The following KIAA1217 variants were observed in gnomAD, a reference collection of about 807,000 sequenced individuals.
KIAA1217 encodes KIAA1217.
KIAA1217 carries 88 observed loss-of-function variants against 163.9 expected under a neutral mutation model. That is an observed-to-expected ratio of 0.54 (90% CI 0.45 to 0.64). The LOEUF (loss-of-function observed/expected upper bound fraction) is 0.64, where lower values mean the gene tolerates loss of function less well. Ranked by LOEUF, KIAA1217 falls within the 30% of genes least tolerant of loss-of-function variation. The pLI, the probability that KIAA1217 is intolerant of heterozygous loss-of-function variation, is 0.00. For synonymous variants in KIAA1217, 903 were observed against 923.1 expected (o/e 0.98, Z 0.39); for missense variants, 2,372 against 2,475.0 (o/e 0.96, Z 0.88).
In KIAA1217 at chr10:24,112,932, G is replaced by C. The variant is rs567414675; in HGVS notation, c.-171+105558G>C. ...AGAAGGGCCACACAGAGACACAGGA[G>C]AATGCCATGTGAAAATAGAGGAGGC... On this transcript the variant is annotated intron_variant, in intron 2 of 18. Transcript: ENST00000376462. Among the ~76,000 whole-genome samples, 3 of 152,180 alleles carry C rather than the reference G, an allele frequency of 2.0e-5. No individual in the cohort carries two copies. The South Asian group carries it at 6.2e-4, about 32-fold the overall frequency.
chr10:24,124,390 G>A (rs1181812034), intron 2 of KIAA1217, among the ~76,000 whole-genome samples: 1 of 151,824 alleles, frequency 6.6e-6, no homozygotes, highest in Admixed American at 6.6e-5. Context: ...GCAAATAATG[G>A]CAGTTCTGCT....
At chr10:24,008,866 T>C (rs2131483930) in intron 2 of KIAA1217, among the ~76,000 whole-genome samples, 1 of 152,278 alleles carries the variant, frequency 6.6e-6, no homozygotes, top group Admixed American at 6.5e-5. Context: ...ATTTGAATCT[T>C]TAAAGAGCTA....
chr10:23,758,626 T>TTCTCTCTCTCTCTC (rs573288653), intron 1 of KIAA1217, among the ~76,000 whole-genome samples: 35 of 116,958 alleles, frequency 3.0e-4, no homozygotes, highest in African/African-American at 1.1e-3. Context: ...CTTTCTTACT[T>TTCTCTCTCTCTCTC]TCTCTCTCTC....
At chr10:24,058,698 G>A (rs1433166152) in intron 2 of KIAA1217, among the ~76,000 whole-genome samples, 1 of 152,032 alleles carries the variant, frequency 6.6e-6, no homozygotes, top group Admixed American at 6.6e-5. Flanking sequence ...GTTTGTTAGT[G>A]TATAGAAACA....
At chr10:23,696,838 C>T (rs918713541) in intron 1 of KIAA1217, among the ~76,000 whole-genome samples, 3 of 152,142 alleles carry the variant, frequency 2.0e-5, no homozygotes, top group African/African-American at 7.2e-5. Context: ...CACCACTGCA[C>T]CTGCACATAG....
chr10:24,259,143 G>T (rs1183916758), intron 2 of KIAA1217, among the ~76,000 whole-genome samples: 2 of 152,040 alleles, frequency 1.3e-5, no homozygotes, highest in African/African-American at 4.8e-5. Context: ...TGGTATGTTA[G>T]AAAAACTAGA....
In KIAA1217 at chr10:23,874,197, G is replaced by A. The variant is rs147229323; in HGVS notation, c.-320-133028G>A. The stretch of plus-strand genomic sequence containing the variant: ...CTCCAGCCCACAGCTCCTACTAATC[G>A]GCTGTGAGTCATCACAGATTTGTCT... On this transcript the variant is annotated intron_variant, in intron 1 of 18. Coordinates refer to the KIAA1217 transcript ENST00000376462. Among the ~76,000 whole-genome samples the A allele has an allele frequency of 4.5e-4, 69 of 152,042 alleles. No homozygotes were observed. The East Asian group carries it at 9.1e-3, about 20-fold the overall frequency.
chr10:23,980,204 C>T (rs889906774), intron 1 of KIAA1217, among the ~76,000 whole-genome samples: 6 of 152,060 alleles, frequency 3.9e-5, no homozygotes, highest in African/African-American at 7.2e-5. Context: ...CTGTCTGTCC[C>T]GAGAATGGGA....
chr10:24,193,845 CAA>C lies in KIAA1217; in HGVS notation c.-170-25779_-170-25778del, dbSNP rs1491231513. On this transcript the variant is annotated intron_variant, in intron 2 of 18. Coordinates refer to the KIAA1217 transcript ENST00000376462. ...ACACACACACACACACACACACACA[CAA>C]AGCAGTCACGTGCATGTTCATGTAC... 2.2e-4 allele frequency among the ~76,000 whole-genome samples: 29 copies of C among 129,228 alleles called. 1 individual carries two copies. The highest frequency in any genetic ancestry group is 7.3e-4 in the African/African-American group (25 of 34,212). 84.8% of individuals were successfully genotyped at this position (129,228 alleles called of 152,430 possible).
chr10:23,880,713 C>T (rs1013786049), intron 1 of KIAA1217, among the ~76,000 whole-genome samples: 2 of 151,704 alleles, frequency 1.3e-5, no homozygotes, highest in Non-Finnish European at 2.9e-5. Context: ...CTCTTTTAAT[C>T]CATAAATATA....
chr10:24,042,279 T>C (rs188416691), intron 2 of KIAA1217: 1 of 152,014 alleles, frequency 6.6e-6, no homozygotes, highest in Admixed American at 6.6e-5. Context: ...TTTTCTGCCA[T>C]TTAAAATGTC....
At chr10:24,448,472 C>T (rs755361010) in intron 5 of KIAA1217, among the ~76,000 whole-genome samples, 32 of 152,212 alleles carry the variant, frequency 2.1e-4, no homozygotes, top group Admixed American at 1.2e-3. Context: ...ACTGCAGCCT[C>T]AGCCTCCCTG....
At chr10:24,258,844 G>T (rs7068454) in intron 2 of KIAA1217, among the ~76,000 whole-genome samples, 1 of 151,850 alleles carries the variant, frequency 6.6e-6, no homozygotes, top group African/African-American at 2.4e-5. Flanking sequence ...CCGCCCGCCT[G>T]GGCCTCCCAA....
intron 3 of KIAA1217, among the ~76,000 whole-genome samples, chr10:24,401,079 T>C (rs2131053534): frequency 6.7e-6 from 1 of 149,782 alleles, no homozygotes; most frequent in Non-Finnish European, 1.5e-5. Context: ...GACAGGTTAC[T>C]TACAAAGAAA....
At chr10:24,311,198 G>A (rs368236975) in intron 2 of KIAA1217, among the ~76,000 whole-genome samples, 4 of 152,278 alleles carry the variant, frequency 2.6e-5, no homozygotes, top group African/African-American at 7.2e-5. Flanking sequence ...TTCTGCACAC[G>A]TGATGCAACC....
intron 2 of KIAA1217, among the ~76,000 whole-genome samples, chr10:24,350,869 AG>A (rs1189327230): frequency 6.6e-6 from 1 of 151,602 alleles, no homozygotes; most frequent in Non-Finnish European, 1.5e-5. Context: ...CTTAATTGCA[AG>A]GGTCGTTTTC....
At chr10:24,137,396 T>C (rs2063875708) in intron 2 of KIAA1217, among the ~76,000 whole-genome samples, 1 of 152,174 alleles carries the variant, frequency 6.6e-6, no homozygotes, top group Admixed American at 6.5e-5. Flanking sequence ...CCCCAGGAGA[T>C]TGCTGTCTTC....
At chr10:24,409,523 G>T (rs1322439226) in intron 3 of KIAA1217, among the ~76,000 whole-genome samples, 9 of 152,132 alleles carry the variant, frequency 5.9e-5, no homozygotes, top group African/African-American at 2.2e-4. Context: ...CTTCATTTTG[G>T]TGATCGTTTC....
At chr10:23,815,643 C>G (rs900394869) in intron 1 of KIAA1217, among the ~76,000 whole-genome samples, 2 of 151,936 alleles carry the variant, frequency 1.3e-5, no homozygotes, top group African/African-American at 4.8e-5. Context: ...GACTCCATCT[C>G]AAAAAACAAA....
Sources: gnomAD v4.1 joint callset for allele counts (sites outside exome capture counted in the v4.1 genomes callset) on GRCh38, gnomAD v4.1.1 for gene constraint, MANE v1.5 for transcripts, NCBI Gene and HGNC (gene_info 2026-07-23, HGNC 2026-07-21) for gene names.